Variants in SEMA4D observed in about 807,000 individuals in gnomAD.
The protein encoded by SEMA4D is semaphorin 4D, also known as semaphorin-4D.
SEMA4D carries 22 observed loss-of-function variants against 74.8 expected under a neutral mutation model. That is an observed-to-expected ratio of 0.29 (90% CI 0.21 to 0.42). The LOEUF is 0.42. Among genes scored for constraint, SEMA4D ranks in the 10% least tolerant of loss-of-function variants. The probability of loss-of-function intolerance (pLI) is 1.00; values close to 1 mark genes in which losing one functional copy is unlikely to be tolerated. For missense variants in SEMA4D, 937 were observed against 1,118.4 expected (o/e 0.84, Z 2.31); for synonymous variants, 445 against 463.7 (o/e 0.96, Z 0.52).
chr9:89,397,112 C>T (rs1841146167), intron 5 of SEMA4D, among the ~76,000 whole-genome samples: 1 of 152,180 alleles, frequency 6.6e-6, no homozygotes. Flanking sequence ...CTGAAACTGG[C>T]CTGAGTAATT....
intron 2 of SEMA4D, among the ~76,000 whole-genome samples, chr9:89,443,067 A>G (rs1267883636): frequency 6.6e-6 from 1 of 152,136 alleles, no homozygotes; most frequent in Non-Finnish European, 1.5e-5. Flanking sequence ...CTGACCTGGG[A>G]CTGAAGCCTC....
intron 2 of SEMA4D, among the ~76,000 whole-genome samples, chr9:89,433,877 G>A (rs1849810221): frequency 6.6e-6 from 1 of 152,188 alleles, no homozygotes; most frequent in African/African-American, 2.4e-5. Context: ...ACTAAGTGTG[G>A]GTCACACTGG....
At chr9:89,392,805 G>A (rs1203275905) in intron 7 of SEMA4D, among the ~76,000 whole-genome samples, 1 of 152,106 alleles carries the variant, frequency 6.6e-6, no homozygotes, top group Non-Finnish European at 1.5e-5. Flanking sequence ...TTGGCTCACT[G>A]CCACCTCCAC....
chr9:89,375,325 G>C (rs574444094), downstream of SEMA4D, among the ~76,000 whole-genome samples: 24 of 152,334 alleles, frequency 1.6e-4, no homozygotes, highest in African/African-American at 5.5e-4. Flanking sequence ...GCGGCCACAG[G>C]GGGCTCAGCA....
chr9:89,426,767 CAT>C (rs768844649), intron 2 of SEMA4D, among the ~76,000 whole-genome samples: 4 of 152,178 alleles, frequency 2.6e-5, no homozygotes, highest in Admixed American at 6.5e-5. Flanking sequence ...CAACTAAGCT[CAT>C]AATTATTTTA....
chr9:89,386,660 C>CT, intron 12 of SEMA4D, 178 bp from the exon 13 acceptor site: 1 of 553,064 alleles, frequency 1.8e-6, no homozygotes, highest in Non-Finnish European at 3.2e-6. Flanking sequence ...GCAAAACAGA[C>CT]AACTGGAAAC....
At chr9:89,363,427 T>C (rs761577069) in intron 18 of SEMA4D, 3 of 1,612,286 alleles carry the variant, frequency 1.9e-6, no homozygotes, top group South Asian at 2.2e-5. Context: ...TGCGGCCACT[T>C]ACCCACGCCT....
intron 2 of SEMA4D, among the ~76,000 whole-genome samples, chr9:89,421,482 T>C (rs1195005812): frequency 1.3e-5 from 2 of 152,222 alleles, no homozygotes; most frequent in African/African-American, 2.4e-5. Flanking sequence ...CCAACAGTCC[T>C]CTACCAAGAA....
At chr9:89,495,664 C>T (rs1268646500) in intron 1 of SEMA4D, among the ~76,000 whole-genome samples, 1 of 152,156 alleles carries the variant, frequency 6.6e-6, no homozygotes, top group African/African-American at 2.4e-5. Flanking sequence ...CAACTAGGCT[C>T]GACAATCAGC....
At chr9:89,431,409 GTCT>G (rs1849248104) in intron 2 of SEMA4D, among the ~76,000 whole-genome samples, 1 of 152,238 alleles carries the variant, frequency 6.6e-6, no homozygotes, top group African/African-American at 2.4e-5. Context: ...CACTTTCAAT[GTCT>G]TCTTTGAATT....
intron 9 of SEMA4D, 61 bp downstream of exon 9, chr9:89,391,203 T>G: frequency 1.3e-6 from 2 of 1,548,372 alleles, no homozygotes; most frequent in Non-Finnish European, 8.9e-7. Context: ...GAGCCACCCA[T>G]CATCCAGGCA....
chr9:89,376,589 T>C (rs868507791), downstream of SEMA4D: 96 of 494,102 alleles, frequency 1.9e-4, no homozygotes, highest in Middle Eastern at 2.7e-3. Flanking sequence ...CCTAAATATC[T>C]AGCCCTTTAC....
In SEMA4D at chr9:89,472,263, A is replaced by G. The variant is rs891964449; in HGVS notation, c.-309-16310T>C. On this transcript the variant is annotated intron_variant, in intron 1 of 15. Transcript: ENST00000422704. Reference sequence around the variant, plus strand: ...TGGCAGCCACCAAGGGCTGGGGAGTAAAAGTCCTTCGCAATTTCTGACTGT... The same window carrying G: ...TGGCAGCCACCAAGGGCTGGGGAGTGAAAGTCCTTCGCAATTTCTGACTGT... The G allele has an allele frequency of 7.4e-5, 27 of 364,740 alleles. No homozygotes were observed. In the Admixed American group the frequency reaches 8.2e-4, roughly 11 times the overall value. The allele number at this position is 364,740 out of a possible 1,614,324, so 22.6% of individuals were successfully genotyped here. A position where few individuals can be genotyped will look rare whatever the true frequency, so the allele number is the denominator to read the frequency against.
intron 2 of SEMA4D, among the ~76,000 whole-genome samples, chr9:89,439,534 C>T (rs1277614203): frequency 6.6e-6 from 1 of 152,132 alleles, no homozygotes; most frequent in Non-Finnish European, 1.5e-5. Context: ...AGCATTTCTT[C>T]TATGATTAAA....
intron 1 of SEMA4D, among the ~76,000 whole-genome samples, chr9:89,488,973 A>T (rs1231230225): frequency 6.6e-6 from 1 of 152,250 alleles, no homozygotes; most frequent in African/African-American, 2.4e-5. Context: ...TTAAAAAGTG[A>T]TCAAAAGATC....
At chr9:89,379,734 G>T in intron 15 of SEMA4D, 105 bp from the exon 16 acceptor site, 1 of 1,308,760 alleles carries the variant, frequency 7.6e-7, no homozygotes, top group Non-Finnish European at 1.0e-6. Flanking sequence ...ACCCACTGTA[G>T]CAACATGGAA....
At chr9:89,452,826 T>G (rs983911733) in intron 2 of SEMA4D, among the ~76,000 whole-genome samples, 1 of 152,216 alleles carries the variant, frequency 6.6e-6, no homozygotes, top group Admixed American at 6.5e-5. Context: ...CTGCACTGTC[T>G]CTAGACTGCA....
At chr9:89,405,772 C>A in intron 2 of SEMA4D, 73 bp from the exon 3 acceptor site, 1 of 1,316,196 alleles carries the variant, frequency 7.6e-7, no homozygotes, top group Non-Finnish European at 9.7e-7. Flanking sequence ...TCTGTAGCCC[C>A]TCTGCTTGCC....
intron 1 of SEMA4D, among the ~76,000 whole-genome samples, chr9:89,458,680 GAC>G (rs1385960648): frequency 2.0e-5 from 3 of 151,552 alleles, no homozygotes; most frequent in African/African-American, 4.9e-5. Context: ...AACCTACAGA[GAC>G]ACACATACAT....
Sources: allele counts gnomAD v4.1 joint callset (sites outside exome capture counted in the v4.1 genomes callset), GRCh38; gene constraint gnomAD v4.1.1; transcripts MANE v1.5; gene names NCBI Gene and HGNC (gene_info 2026-07-23, HGNC 2026-07-21).